ARHGEF10L: variants seen among roughly 807,000 people sequenced by gnomAD.
ARHGEF10L encodes the protein Rho guanine nucleotide exchange factor 10 like, also known as rho guanine nucleotide exchange factor 10-like protein.
A neutral mutation model predicts 141.2 loss-of-function variants in ARHGEF10L; 69 were observed. The ratio of observed to expected loss-of-function variants is 0.49; its 90% CI spans 0.40 to 0.60. The LOEUF is 0.60. ARHGEF10L is among the 20% of genes least tolerant of loss of function. The pLI is 0.00. For missense variants in ARHGEF10L, 1,482 were observed against 1,734.3 expected (o/e 0.85, Z 2.58); for synonymous variants, 711 against 718.5 (o/e 0.99, Z 0.17).
At chr1:17,691,060 C>T (rs922826720) in intron 27 of ARHGEF10L, 15 of 441,580 alleles carry the variant, frequency 3.4e-5, no homozygotes, top group Non-Finnish European at 6.3e-5. Flanking sequence ...TTCTTCCACT[C>T]GCATACTCGA....
chr1:17,634,992 G>C lies in ARHGEF10L; in HGVS notation c.1903G>C (p.Ala635Pro), dbSNP rs571876118. The C allele has an allele frequency of 2.0e-5, 33 of 1,613,958 alleles. No homozygotes were observed. The highest frequency in any genetic ancestry group is 2.8e-5 in the Non-Finnish European group (33 of 1,179,972). ...VLIQHSGAKK[A>P]SASGQAQNKV... ...CATCCAGCACTCAGGCGCCAAGAAG[G>C]CCTCTGCCTCAGGGCAGGCTCAGAG... is the stretch of plus-strand genomic sequence containing the variant. Residue 635 changes from alanine to proline, a missense_variant, in exon 18 of 29, where the codon GCC becomes CCC. By Grantham distance (27) the Ala-to-Pro change is conservative. Around this residue, in one of 3 missense-constraint regions of ARHGEF10L, gnomAD observed 858 missense variants for 966.3 expected, o/e 0.89. Transcript: ENST00000361221.
At chr1:17,650,035 C>G (rs1352598521) in intron 22 of ARHGEF10L, among the ~76,000 whole-genome samples, 1 of 152,176 alleles carries the variant, frequency 6.6e-6, no homozygotes, top group African/African-American at 2.4e-5. Context: ...GTTTCCCAAG[C>G]TAGGGACTAG....
chr1:17,523,151 T>C, the ARHGEF10L span, among the ~76,000 whole-genome samples: 2,198 of 148,724 alleles, frequency 0.015, 56 homozygotes, highest in African/African-American at 0.052. Context: ...AGTGGTGTGA[T>C]CTTGGCTCAC....
At chr1:17,691,757 G>C (rs757937361) in intron 27 of ARHGEF10L, among the ~76,000 whole-genome samples, 65 of 151,824 alleles carry the variant, frequency 4.3e-4, no homozygotes, top group Non-Finnish European at 4.4e-4. Flanking sequence ...ATAAAATTGA[G>C]CAAGGCAGGT....
intron 26 of ARHGEF10L, among the ~76,000 whole-genome samples, chr1:17,675,762 A>G (rs1222864348): frequency 1.9e-4 from 22 of 113,104 alleles, no homozygotes; most frequent in African/African-American, 5.9e-4. Flanking sequence ...AGGTACAGGC[A>G]TGAGTGCAGG....
At chr1:17,692,331 C>T (rs2065165902) in intron 27 of ARHGEF10L, among the ~76,000 whole-genome samples, 1 of 152,106 alleles carries the variant, frequency 6.6e-6, no homozygotes, top group Admixed American at 6.6e-5. Flanking sequence ...TGTTGCCAGA[C>T]TCGAATCCCA....
At chr1:17,618,008 C>T (rs1426651302) in intron 9 of ARHGEF10L, among the ~76,000 whole-genome samples, 2 of 152,176 alleles carry the variant, frequency 1.3e-5, no homozygotes, top group Non-Finnish European at 2.9e-5. Flanking sequence ...CCCACCCGTG[C>T]ACTTGGTGCG....
intron 26 of ARHGEF10L, among the ~76,000 whole-genome samples, chr1:17,667,536 C>CTCAG (rs1410599124): frequency 6.6e-6 from 1 of 152,244 alleles, no homozygotes; most frequent in Middle Eastern, 3.2e-3. Flanking sequence ...AGGACATTCT[C>CTCAG]TCAGTGCTGC....
chr1:17,514,864 G>A, the ARHGEF10L span, among the ~76,000 whole-genome samples: 1 of 152,282 alleles, frequency 6.6e-6, no homozygotes, highest in South Asian at 2.1e-4. Flanking sequence ...GGTGGGGGAG[G>A]AGGGAGCCCC....
chr1:17,556,276 G>A (rs1247945843), intron 1 of ARHGEF10L, among the ~76,000 whole-genome samples: 1 of 116,142 alleles, frequency 8.6e-6, no homozygotes, highest in Admixed American at 8.4e-5. Context: ...TGGCGGCGGG[G>A]GGGGGGCCTG....
chr1:17,597,059 G>A (rs1397320486), intron 4 of ARHGEF10L, among the ~76,000 whole-genome samples: 2 of 152,174 alleles, frequency 1.3e-5, no homozygotes, highest in Admixed American at 6.5e-5. Flanking sequence ...TGCCGGCAAT[G>A]TAGGTTGCTG....
At chr1:17,584,055 T>C (rs370360914) in intron 2 of ARHGEF10L, among the ~76,000 whole-genome samples, 1 of 151,922 alleles carries the variant, frequency 6.6e-6, no homozygotes, top group African/African-American at 2.4e-5. Flanking sequence ...TTTTGTTTAT[T>C]TTTTTTTGAG....
rs60216346 is a variant in ARHGEF10L, at chr1:17,611,977, G to GTCCATCCATCCA, written c.610-1061_610-1050dup. 1.7e-4 allele frequency among the ~76,000 whole-genome samples: 25 copies of GTCCATCCATCCA among 150,132 alleles called. 1 individual carries two copies. Among genetic ancestry groups the GTCCATCCATCCA allele is most frequent in the African/African-American group, 5.9e-4 (24 of 40,832 alleles). On this transcript the variant is annotated intron_variant, in intron 7 of 28. Transcript: ENST00000361221. ...CATCTACCTGTTCTCCCATCGGTTT[G>GTCCATCCATCCA]TCCATCCATCCATCCATCCATCCAT...
intron 4 of ARHGEF10L, among the ~76,000 whole-genome samples, chr1:17,596,450 C>T (rs1570741089): frequency 6.6e-6 from 1 of 152,202 alleles, no homozygotes; most frequent in Admixed American, 6.5e-5. Context: ...TTCCTTGAGG[C>T]CTTATAAGGC....
rs1006706723 is a variant in ARHGEF10L, at chr1:17,685,216, C to T, written c.3010-2357C>T. 1.2e-4 allele frequency among the ~76,000 whole-genome samples: 18 copies of T among 152,230 alleles called. 1 individual carries two copies. Among genetic ancestry groups the T allele is most frequent in the Admixed American group, 1.1e-3 (17 of 15,290 alleles). On this transcript the variant is annotated intron_variant, in intron 26 of 28. Coordinates refer to ENST00000361221, the MANE Select transcript of ARHGEF10L (RefSeq NM_018125.4). ...TTCCCCACACTGTTGTCAGACTGAG[C>T]TTCTTTAAAAGTAAAACTGACTCTG...
At chr1:17,647,838 C>A (rs1183607058) in intron 21 of ARHGEF10L, among the ~76,000 whole-genome samples, 1 of 152,118 alleles carries the variant, frequency 6.6e-6, no homozygotes, top group East Asian at 1.9e-4. Context: ...GTAAAGGAGC[C>A]TCCACAGAGA....
chr1:17,616,090 T>C lies in ARHGEF10L; in HGVS notation c.727-4T>C. On this transcript the variant is annotated splice_polypyrimidine_tract_variant and splice_region_variant and intron_variant, in intron 8 of 28. Coordinates refer to ENST00000361221, the MANE Select transcript of ARHGEF10L (RefSeq NM_018125.4). ...CCCTGATGAGCCTCTCTACCTTTGC[T>C]CAGATGACCCAGCTCATGAAGGCCG... 1.9e-6 allele frequency: 3 copies of C among 1,613,172 alleles called. No homozygotes were observed. Among genetic ancestry groups the C allele is most frequent in the South Asian group, 1.1e-5 (1 of 91,070 alleles).
At chr1:17,689,960 C>T (rs768080996) in intron 27 of ARHGEF10L, 6 of 407,276 alleles carry the variant, frequency 1.5e-5, no homozygotes, top group Admixed American at 8.9e-5. Flanking sequence ...CCTTCACGCC[C>T]GTTGTCTTAC....
At chr1:17,520,877 CTG>C in the ARHGEF10L span, among the ~76,000 whole-genome samples, 3 of 152,186 alleles carry the variant, frequency 2.0e-5, no homozygotes. Flanking sequence ...GAGGGAGTAA[CTG>C]AGGTGGATTG....
Sources: allele counts gnomAD v4.1 joint callset (sites outside exome capture counted in the v4.1 genomes callset), GRCh38; gene constraint gnomAD v4.1.1; regional missense constraint gnomAD v4.1.1; transcripts MANE v1.5; gene names NCBI Gene and HGNC (gene_info 2026-07-23, HGNC 2026-07-21).